Variants in DISC1 observed in about 807,000 individuals in gnomAD.
DISC1 encodes DISC1 scaffold protein.
Under a neutral mutation model 84.5 loss-of-function variants are expected in DISC1, and 57 were observed. The observed-to-expected ratio is 0.67, with a 90% confidence interval of 0.55 to 0.84. DISC1 has a LOEUF of 0.84. Among genes scored for constraint, DISC1 ranks in the 40% least tolerant of loss-of-function variants. The pLI, the probability that DISC1 is intolerant of heterozygous loss-of-function variation, is 0.00. For synonymous variants in DISC1, 411 were observed against 415.2 expected (o/e 0.99, Z 0.12); for missense variants, 1,000 against 1,057.8 (o/e 0.95, Z 0.76).
intron 1 of DISC1, among the ~76,000 whole-genome samples, chr1:231,635,206 T>G (rs902311164): frequency 5.3e-5 from 8 of 152,116 alleles, no homozygotes; most frequent in Non-Finnish European, 1.5e-5. Flanking sequence ...TTATTGTTCC[T>G]CTGTGGAAGG....
At chr1:231,970,570 A>G (rs1454501672) in intron 10 of DISC1, among the ~76,000 whole-genome samples, 1 of 152,224 alleles carries the variant, frequency 6.6e-6, no homozygotes, top group Non-Finnish European at 1.5e-5. Flanking sequence ...GTTGCCTGTC[A>G]TCATTTTCTT....
intron 9 of DISC1, among the ~76,000 whole-genome samples, chr1:231,886,078 T>C (rs1435092230): frequency 6.6e-6 from 1 of 151,894 alleles, no homozygotes; most frequent in Non-Finnish European, 1.5e-5. Context: ...GGGGGCCAAG[T>C]TGTCCTTTTC....
chr1:231,692,375 G>C (rs1023434600), intron 1 of DISC1, among the ~76,000 whole-genome samples: 1 of 152,206 alleles, frequency 6.6e-6, no homozygotes, highest in Non-Finnish European at 1.5e-5. Flanking sequence ...GTGTGAGCAA[G>C]TCTTGGGCTC....
At chr1:232,007,465 T>G (rs1667604323) in intron 10 of DISC1, among the ~76,000 whole-genome samples, 1 of 152,166 alleles carries the variant, frequency 6.6e-6, no homozygotes. Flanking sequence ...TCATTTCAGA[T>G]CTTTAAGATT....
At chr1:231,920,903 CTA>C (rs2089953815) in intron 9 of DISC1, among the ~76,000 whole-genome samples, 1 of 119,070 alleles carries the variant, frequency 8.4e-6, no homozygotes, top group Non-Finnish European at 1.7e-5. Flanking sequence ...GACTGAACTG[CTA>C]TTTTTTTTTT....
In DISC1 at chr1:231,694,735, G is replaced by A; in HGVS notation, c.977G>A (p.Trp326Ter). ...AGCGGCTCAGGGGATGCCCACTCTT[G>A]GGACACCCTGCTCAGGAAATGGGAG... ...GSSGSGDAHS[W>*]DTLLRKWEPV... The change falls in exon 2 of 13, where the codon TGG becomes TAG. Residue 326 changes from tryptophan (W) to a stop codon, truncating the protein, a stop_gained. Transcript: ENST00000439617. LOFTEE classifies it high-confidence loss of function. 6.2e-7 allele frequency: 1 copy of A among 1,614,098 alleles called. No homozygotes were observed. The highest frequency in any genetic ancestry group is 8.5e-7 in the Non-Finnish European group (1 of 1,180,042).
intron 10 of DISC1, among the ~76,000 whole-genome samples, chr1:231,987,047 T>C (rs987236965): frequency 6.6e-6 from 1 of 152,210 alleles, no homozygotes. Flanking sequence ...GGTCTGTTCA[T>C]GAGAAAGGGC....
At chr1:231,628,219 C>T (rs2058423591) in intron 1 of DISC1, among the ~76,000 whole-genome samples, 1 of 152,168 alleles carries the variant, frequency 6.6e-6, no homozygotes, top group Admixed American at 6.5e-5. Flanking sequence ...TTCTGTGCCA[C>T]AGAGCAAAAA....
At chr1:231,735,287 C>A (rs2072332477) in intron 3 of DISC1, among the ~76,000 whole-genome samples, 2 of 152,174 alleles carry the variant, frequency 1.3e-5, no homozygotes, top group African/African-American at 2.4e-5. Context: ...TGACTTACTG[C>A]ATACCATTCT....
At chr1:231,819,533 C>A (rs1455813082) in intron 9 of DISC1, among the ~76,000 whole-genome samples, 2 of 152,038 alleles carry the variant, frequency 1.3e-5, no homozygotes, top group Non-Finnish European at 2.9e-5. Context: ...GTAATGAATA[C>A]CCTTAAGTTG....
chr1:231,708,638 G>A (rs779738413), intron 3 of DISC1, among the ~76,000 whole-genome samples: 18 of 152,140 alleles, frequency 1.2e-4, no homozygotes, highest in Non-Finnish European at 2.1e-4. Flanking sequence ...TTGAGGTCAC[G>A]GAATCTGCTG....
At chr1:232,003,337 A>T (rs780234913) in intron 10 of DISC1, among the ~76,000 whole-genome samples, 1 of 152,182 alleles carries the variant, frequency 6.6e-6, no homozygotes, top group African/African-American at 2.4e-5. Context: ...CAATTTTAGT[A>T]TCAGACAATT....
rs1350480870 is a variant in DISC1, at chr1:231,825,441, A to G, written c.1981+6924A>G. On this transcript the variant is annotated intron_variant, in intron 9 of 12. Coordinates refer to ENST00000439617, the MANE Select transcript of DISC1 (RefSeq NM_018662.3). ...GTATTAGAGTCTCTTTGTACATTTC[A>G]TATGGACTCTGGGCTTTGATAATGT... 3.3e-5 allele frequency among the ~76,000 whole-genome samples: 5 copies of G among 152,148 alleles called. No individual in the cohort carries two copies. In the East Asian group the frequency reaches 5.8e-4, roughly 18 times the overall value.
At chr1:231,984,363 AG>A (rs1310055632) in intron 10 of DISC1, among the ~76,000 whole-genome samples, 1 of 152,218 alleles carries the variant, frequency 6.6e-6, no homozygotes, top group African/African-American at 2.4e-5. Context: ...TTTTGAGTAT[AG>A]TTTGATGGAT....
intron 9 of DISC1, among the ~76,000 whole-genome samples, chr1:231,899,521 A>G (rs923877020): frequency 2.6e-5 from 4 of 152,176 alleles, no homozygotes; most frequent in Non-Finnish European, 4.4e-5. Flanking sequence ...GTTTTACCTA[A>G]TTAAAATGCT....
intron 9 of DISC1, among the ~76,000 whole-genome samples, chr1:231,819,640 T>G (rs2081346397): frequency 6.6e-6 from 1 of 152,202 alleles, no homozygotes; most frequent in African/African-American, 2.4e-5. Context: ...CGTTTGAGGC[T>G]AAATAACTGT....
At chr1:231,905,459 A>T (rs542771941) in intron 9 of DISC1, among the ~76,000 whole-genome samples, 1 of 149,070 alleles carries the variant, frequency 6.7e-6, no homozygotes, top group East Asian at 2.0e-4. Context: ...GTCTCCACAA[A>T]TTTTTTTTTT....
chr1:231,975,137 CA>C (rs1295982395), intron 10 of DISC1, among the ~76,000 whole-genome samples: 9 of 151,162 alleles, frequency 6.0e-5, no homozygotes, highest in African/African-American at 2.2e-4. Context: ...ACAACAACAA[CA>C]AAAAACAAAG....
chr1:231,702,518 G>T lies in DISC1; in HGVS notation c.1117+494G>T, dbSNP rs1233335801. 11 of 986,242 alleles carry T rather than the reference G, an allele frequency of 1.1e-5. No individual in the cohort carries two copies. In the African/African-American group the frequency reaches 1.9e-4, roughly 17 times the overall value. The allele number at this position is 986,242 out of a possible 1,614,324, so 61.1% of individuals were successfully genotyped here. ...AATGAGGTGAATTTGAGAAATGTCA[G>T]ACTGTGCCAAAGGGGGTCACATGCA... On this transcript the variant is annotated intron_variant, in intron 3 of 12. Transcript: ENST00000439617.
Sources: allele counts gnomAD v4.1 joint callset (sites outside exome capture counted in the v4.1 genomes callset), GRCh38; gene constraint gnomAD v4.1.1; transcripts MANE v1.5; gene names NCBI Gene and HGNC (gene_info 2026-07-23, HGNC 2026-07-21).